SOCS6: variants seen among roughly 807,000 people sequenced by gnomAD.
SOCS6 encodes the protein suppressor of cytokine signaling 6.
Under a neutral mutation model 27.7 loss-of-function variants are expected in SOCS6, and 5 were observed. The ratio of observed to expected loss-of-function variants is 0.18; its 90% confidence interval spans 0.09 to 0.38. SOCS6 has a LOEUF of 0.38. Ranked by LOEUF, SOCS6 falls within the 10% of genes least tolerant of loss-of-function variation. The pLI is 1.00. For missense variants in SOCS6, 595 were observed against 688.1 expected, an observed-to-expected ratio of 0.86 and a Z score of 1.51; for synonymous variants, 271 against 260.0, an observed-to-expected ratio of 1.04 and a Z score of -0.41.
intron 1 of SOCS6, chr18:70,314,356 GT>G (rs1397379595): frequency 6.6e-6 from 1 of 152,034 alleles, no homozygotes; most frequent in Non-Finnish European, 1.5e-5. Flanking sequence ...CCCTGATACA[GT>G]CATGCCCTGC....
Position 70,325,626 on chromosome 18 carries a change from A to G in SOCS6, c.958A>G (p.Asn320Asp), listed in dbSNP as rs1204089423. ...ACCATTGCTACCTCCAATGCAGAATAATCAAATCCAAAGGAACTTCAGTGG... is the reference window on the plus strand; with the variant it reads ...ACCATTGCTACCTCCAATGCAGAATGATCAAATCCAAAGGAACTTCAGTGG... ...LSPLLPPMQN[N>D]QIQRNFSGLT... is the part of the protein sequence containing the mutation. Residue 320 changes from asparagine (N) to aspartate (D), a missense_variant, in exon 2 of 2, where the codon AAT (asparagine) becomes GAT (aspartate). Asn to Asp is a conservative substitution (Grantham distance 23). Coordinates refer to ENST00000397942, the MANE Select transcript of SOCS6 (RefSeq NM_004232.4). The surrounding 1 kb of genome is among the most constrained non-coding windows in gnomAD (Gnocchi z 6.3). 6.2e-7 allele frequency: 1 copy of G among 1,614,208 alleles called. No individual in the cohort carries two copies. The highest frequency in any genetic ancestry group is 8.5e-7 in the Non-Finnish European group (1 of 1,180,034).
intron 1 of SOCS6, among the ~76,000 whole-genome samples, chr18:70,304,609 A>G (rs112976265): frequency 2.0e-4 from 30 of 152,144 alleles, no homozygotes; most frequent in African/African-American, 6.8e-4. Flanking sequence ...AGGTTTGTTC[A>G]CATCTTTTGC....
intron 1 of SOCS6, among the ~76,000 whole-genome samples, chr18:70,305,346 T>C (rs2062364961): frequency 6.6e-6 from 1 of 152,282 alleles, no homozygotes; most frequent in African/African-American, 2.4e-5. Context: ...CAGCACCATT[T>C]GTCAAGAAGA....
intron 1 of SOCS6, among the ~76,000 whole-genome samples, chr18:70,303,844 C>T (rs1298254938): frequency 1.3e-5 from 2 of 152,100 alleles, no homozygotes; most frequent in Admixed American, 1.3e-4. Flanking sequence ...TCAATACAAC[C>T]ATTTAGAAAA....
At chr18:70,312,586 A>G (rs1316969674) in intron 1 of SOCS6, among the ~76,000 whole-genome samples, 1 of 152,158 alleles carries the variant, frequency 6.6e-6, no homozygotes, top group Non-Finnish European at 1.5e-5. Flanking sequence ...ACTCAGATGA[A>G]GAGGTTATCT....
chr18:70,302,750 G>A (rs1025657957), intron 1 of SOCS6, among the ~76,000 whole-genome samples: 3 of 125,714 alleles, frequency 2.4e-5, no homozygotes, highest in Admixed American at 9.1e-5. Context: ...GTTCCTAACT[G>A]TATATATATA....
chr18:70,290,425 A>G (rs886973471), intron 1 of SOCS6, among the ~76,000 whole-genome samples: 3 of 152,242 alleles, frequency 2.0e-5, no homozygotes, highest in African/African-American at 7.2e-5. Context: ...AGCCTTACTT[A>G]AAAACACGAA....
Position 70,330,076 on chromosome 18 carries a change from ATACG to A in SOCS6, c.*3802_*3805del, listed in dbSNP as rs1328553164. The stretch of plus-strand genomic sequence containing the variant: ...AATTATCCAAAGTCCATTGATTTTA[ATACG>A]TGTTTTGGTTTGTAAACAAATTATA... On this transcript the variant is annotated 3_prime_UTR_variant, in exon 2 of 2. Coordinates refer to ENST00000397942, the MANE Select transcript of SOCS6 (RefSeq NM_004232.4). 2 of 167,112 alleles carry A rather than the reference ATACG, an allele frequency of 1.2e-5. No homozygotes were observed. The highest frequency in any genetic ancestry group is 4.8e-5 in the African/African-American group (2 of 41,462). The allele number at this position is 167,112 out of a possible 1,614,324, so 10.4% of individuals were successfully genotyped here.
At chr18:70,313,198 T>A (rs2062397585) in intron 1 of SOCS6, among the ~76,000 whole-genome samples, 1 of 152,206 alleles carries the variant, frequency 6.6e-6, no homozygotes, top group African/African-American at 2.4e-5. Context: ...TTCTTCCTTT[T>A]CATCATTCTT....
At chr18:70,292,435 G>C (rs183849539) in intron 1 of SOCS6, among the ~76,000 whole-genome samples, 30 of 152,326 alleles carry the variant, frequency 2.0e-4, no homozygotes, top group African/African-American at 6.0e-4. Flanking sequence ...CGACCTCCCA[G>C]GCTCAAGCGA....
At chr18:70,321,337 T>TTC (rs1555790576) in intron 1 of SOCS6, among the ~76,000 whole-genome samples, 32 of 136,280 alleles carry the variant, frequency 2.3e-4, no homozygotes, top group African/African-American at 9.3e-4. Flanking sequence ...TTTTTTTTTT[T>TTC]TGACAGAGTT....
intron 1 of SOCS6, among the ~76,000 whole-genome samples, chr18:70,318,589 C>CT (rs1055585763): frequency 6.6e-6 from 1 of 151,440 alleles, no homozygotes; most frequent in Non-Finnish European, 1.5e-5. Context: ...TTAGTGTGTC[C>CT]TTTCCATATA....
chr18:70,291,782 G>A (rs2062300548), intron 1 of SOCS6, among the ~76,000 whole-genome samples: 1 of 152,120 alleles, frequency 6.6e-6, no homozygotes, highest in Non-Finnish European at 1.5e-5. Context: ...CATCTGTGGT[G>A]CCGAAGTACT....
chr18:70,314,136 A>C (rs917813187), intron 1 of SOCS6: 4 of 152,180 alleles, frequency 2.6e-5, no homozygotes, highest in Admixed American at 2.6e-4. Context: ...CACACCTGTA[A>C]TGCCAGCTAC....
intron 1 of SOCS6, among the ~76,000 whole-genome samples, chr18:70,316,316 T>G (rs1483061409): frequency 6.6e-6 from 1 of 152,218 alleles, no homozygotes; most frequent in Admixed American, 6.5e-5. Flanking sequence ...TCTCTGACTT[T>G]TAAAATTTAT....
At chr18:70,298,454 A>G (rs2062333951) in intron 1 of SOCS6, among the ~76,000 whole-genome samples, 1 of 152,182 alleles carries the variant, frequency 6.6e-6, no homozygotes, top group Non-Finnish European at 1.5e-5. Context: ...AGAACTATAT[A>G]TAAGATAGTA....
At chr18:70,319,106 T>C (rs549952817) in intron 1 of SOCS6, among the ~76,000 whole-genome samples, 37 of 151,810 alleles carry the variant, frequency 2.4e-4, no homozygotes, top group African/African-American at 8.4e-4. Context: ...TTCTTTTTTA[T>C]TATATGGTCT....
intron 1 of SOCS6, among the ~76,000 whole-genome samples, chr18:70,293,453 A>G (rs1172333378): frequency 6.6e-6 from 1 of 152,184 alleles, no homozygotes; most frequent in Non-Finnish European, 1.5e-5. Context: ...CACTTCTGGA[A>G]GTATAGTCAT....
At chr18:70,302,301 T>C (rs150747779) in intron 1 of SOCS6, among the ~76,000 whole-genome samples, 52 of 152,070 alleles carry the variant, frequency 3.4e-4, no homozygotes, top group African/African-American at 1.2e-3. Context: ...GGCCATCTGC[T>C]GCGATATTAA....
Sources: gnomAD v4.1 joint callset for allele counts (sites outside exome capture counted in the v4.1 genomes callset) on GRCh38, gnomAD v4.1.1 for gene constraint, Gnocchi (gnomAD v3.1) non-coding constraint, MANE v1.5 for transcripts, NCBI Gene and HGNC (gene_info 2026-07-23, HGNC 2026-07-21) for gene names.